CDKL3: variants seen among roughly 807,000 people sequenced by gnomAD.
CDKL3 encodes the protein cyclin-dependent kinase-like 3.
Under a neutral mutation model 69.3 loss-of-function variants are expected in CDKL3, and 65 were observed. The observed-to-expected ratio is 0.94, with a 90% CI of 0.77 to 1.15. The LOEUF is 1.15. Ranked by LOEUF, CDKL3 falls within the 50% of genes most tolerant of loss-of-function variation. The probability of loss-of-function intolerance (pLI) is 0.00; values close to 1 mark genes in which losing one functional copy is unlikely to be tolerated. For missense variants in CDKL3, 652 were observed against 689.2 expected (o/e 0.95, Z 0.61); for synonymous variants, 202 against 221.6 (o/e 0.91, Z 0.79).
chr5:134,342,004 TTC>T (rs1750622467), intron 4 of CDKL3, among the ~76,000 whole-genome samples: 1 of 152,180 alleles, frequency 6.6e-6, no homozygotes, highest in African/African-American at 2.4e-5. Context: ...CTGTTCTCCT[TTC>T]TCTTTCTTTT....
chr5:134,286,828 G>A (rs544288443), intron 8 of CDKL3, among the ~76,000 whole-genome samples: 52 of 152,164 alleles, frequency 3.4e-4, no homozygotes, highest in Non-Finnish European at 5.6e-4. Flanking sequence ...CCTACAACAC[G>A]TGGGAATTCA....
rs571361609 is a variant in CDKL3 at position 134,318,675 on chromosome 5, C to T, written c.792+683G>A. 4.3e-4 allele frequency among the ~76,000 whole-genome samples: 65 copies of T among 151,970 alleles called. 1 individual carries two copies. Among genetic ancestry groups the T allele is most frequent in the African/African-American group, 8.0e-4 (33 of 41,480 alleles). The stretch of plus-strand genomic sequence containing the variant: ...TAACTTTTTGTATTTTTAGTAGAGA[C>T]GGGGTTTCACCATGTTGGCCAGGAT... On this transcript the variant is annotated intron_variant, in intron 6 of 12. Coordinates refer to ENST00000265334, the MANE Select transcript of CDKL3 (RefSeq NM_001113575.2).
At chr5:134,293,002 C>CTTT (rs558156596) in intron 8 of CDKL3, among the ~76,000 whole-genome samples, 981 of 43,996 alleles carry the variant, frequency 0.022, 148 homozygotes, top group Non-Finnish European at 0.03. Flanking sequence ...CTGCCAATTT[C>CTTT]TTTTTTTTTT....
chr5:134,367,512 T>C (rs1333491307), upstream of CDKL3: 4 of 540,958 alleles, frequency 7.4e-6, no homozygotes, highest in Non-Finnish European at 9.4e-6. Flanking sequence ...TAGCTGGGAT[T>C]ACAGGCGTGT....
At chr5:134,358,145 C>T (rs1755063129) in intron 3 of CDKL3, among the ~76,000 whole-genome samples, 1 of 152,128 alleles carries the variant, frequency 6.6e-6, no homozygotes, top group African/African-American at 2.4e-5. Flanking sequence ...GGAAAGAGTC[C>T]ACCCTCCTGT....
downstream of CDKL3, among the ~76,000 whole-genome samples, chr5:134,296,067 T>A (rs1284005987): frequency 6.6e-6 from 1 of 151,772 alleles, no homozygotes; most frequent in Non-Finnish European, 1.5e-5. Context: ...CAGCTAATTT[T>A]TTGTATTTTT....
chr5:134,303,479 C>T (rs1766869443), intron 11 of CDKL3, among the ~76,000 whole-genome samples: 1 of 151,960 alleles, frequency 6.6e-6, no homozygotes, highest in South Asian at 2.1e-4. Flanking sequence ...GGCAATTTAC[C>T]CCAGGTCATA....
chr5:134,324,347 T>A (rs1342018315), intron 4 of CDKL3, among the ~76,000 whole-genome samples: 1 of 152,242 alleles, frequency 6.6e-6, no homozygotes. Context: ...CCTTGGGATT[T>A]ACCCAAGTGA....
At chr5:134,341,648 A>G (rs991047780) in intron 4 of CDKL3, among the ~76,000 whole-genome samples, 2 of 152,266 alleles carry the variant, frequency 1.3e-5, no homozygotes, top group Admixed American at 6.5e-5. Flanking sequence ...CGCAAGCTGT[A>G]AGCTTGCACA....
chr5:134,298,362 T>C (rs1765503494), downstream of CDKL3: 6 of 1,157,016 alleles, frequency 5.2e-6, no homozygotes, highest in East Asian at 2.5e-4. Context: ...TAAGTATAAG[T>C]ACAGTTTGTA....
chr5:134,293,659 A>G (rs1765224651), downstream of CDKL3, among the ~76,000 whole-genome samples: 1 of 151,784 alleles, frequency 6.6e-6, no homozygotes, highest in Admixed American at 6.6e-5. Context: ...TATTAGCTGG[A>G]TATGGCGGTG....
At chr5:134,299,778 A>T (rs1432796423) in intron 12 of CDKL3, 1 of 1,388,202 alleles carries the variant, frequency 7.2e-7, no homozygotes, top group South Asian at 1.3e-5. Context: ...ACAGGTCTTT[A>T]ATTGAGGACA....
intron 4 of CDKL3, among the ~76,000 whole-genome samples, chr5:134,331,873 G>A (rs554938509): frequency 1.3e-4 from 20 of 152,206 alleles, no homozygotes; most frequent in Admixed American, 6.5e-4. Flanking sequence ...TTGAGGAATC[G>A]CCACACTGTC....
intron 3 of CDKL3, 44 bp downstream of exon 3, chr5:134,359,853 G>T: frequency 2.4e-6 from 3 of 1,251,526 alleles, no homozygotes; most frequent in South Asian, 1.4e-5. Context: ...GAGCACTTAT[G>T]ATTCATATTC....
downstream of CDKL3, among the ~76,000 whole-genome samples, chr5:134,297,890 TTGTGTGTG>T (rs528154005): frequency 0.078 from 8,216 of 105,098 alleles, 425 homozygotes; most frequent in African/African-American, 0.14. Context: ...CATGAATAGT[TTGTGTGTG>T]TGTGTGTGTG....
At chr5:134,313,746 GTTT>G (rs113107142) in intron 6 of CDKL3, among the ~76,000 whole-genome samples, 1 of 149,000 alleles carries the variant, frequency 6.7e-6, no homozygotes, top group Non-Finnish European at 1.5e-5. Flanking sequence ...GTTATGTGGG[GTTT>G]TTTTTTTACC....
chr5:134,301,310 T>A (rs1766252244), intron 12 of CDKL3, among the ~76,000 whole-genome samples: 2 of 152,174 alleles, frequency 1.3e-5, no homozygotes. Flanking sequence ...ATGGCATTCT[T>A]GTTCTACAAC....
At chr5:134,370,226 A>G (rs938795079), upstream of CDKL3, among the ~76,000 whole-genome samples, 2 of 152,244 alleles carry the variant, frequency 1.3e-5, no homozygotes, top group African/African-American at 2.4e-5. Context: ...AATGGATACA[A>G]AAGTACTCAG....
intron 12 of CDKL3, among the ~76,000 whole-genome samples, chr5:134,301,652 C>A (rs958454244): frequency 6.6e-6 from 1 of 151,958 alleles, no homozygotes; most frequent in Non-Finnish European, 1.5e-5. Context: ...GAGGCCCAGG[C>A]GGGTGGATCA....
Sources: gnomAD v4.1 joint callset for allele counts (sites outside exome capture counted in the v4.1 genomes callset) on GRCh38, gnomAD v4.1.1 for gene constraint, MANE v1.5 for transcripts, NCBI Gene and HGNC (gene_info 2026-07-23, HGNC 2026-07-21) for gene names.